ROBO2: variants seen among roughly 807,000 people sequenced by gnomAD.
ROBO2 encodes the protein roundabout homolog 2.
Under a neutral mutation model 160.8 loss-of-function variants are expected in ROBO2, and 53 were observed. The ratio of observed to expected loss-of-function variants is 0.33; its 90% CI spans 0.26 to 0.41. The LOEUF is 0.41. Among genes scored for constraint, ROBO2 ranks in the 10% least tolerant of loss-of-function variants. ROBO2 has a pLI of 1.00. For synonymous variants in ROBO2, 664 were observed against 611.7 expected (o/e 1.09, Z -1.26); for missense variants, 1,577 against 1,722.4 (o/e 0.92, Z 1.49).
At chr3:76,867,986 T>A (rs1427688981) in intron 2 of ROBO2, among the ~76,000 whole-genome samples, 1 of 152,198 alleles carries the variant, frequency 6.6e-6, no homozygotes, top group Non-Finnish European at 1.5e-5. Flanking sequence ...GGGCTTAGCA[T>A]TGTTCTCTCC....
chr3:77,315,399 G>A (rs2063891947), intron 2 of ROBO2, among the ~76,000 whole-genome samples: 1 of 152,116 alleles, frequency 6.6e-6, no homozygotes, highest in Admixed American at 6.5e-5. Context: ...AACAAGTCTG[G>A]GCTTTACTTA....
chr3:76,942,623 C>G (rs1431262050), intron 2 of ROBO2, among the ~76,000 whole-genome samples: 1 of 152,152 alleles, frequency 6.6e-6, no homozygotes, highest in Non-Finnish European at 1.5e-5. Flanking sequence ...ATATCCTTGA[C>G]TGTAGGGAAA....
chr3:76,387,645 T>C (rs1227747343), intron 2 of ROBO2, among the ~76,000 whole-genome samples: 2 of 152,184 alleles, frequency 1.3e-5, no homozygotes, highest in East Asian at 3.9e-4. Context: ...ATAATTATTT[T>C]TCCCATTTCA....
chr3:76,302,626 C>T (rs577231230), intron 2 of ROBO2, among the ~76,000 whole-genome samples: 102 of 152,166 alleles, frequency 6.7e-4, no homozygotes, highest in African/African-American at 2.4e-3. Flanking sequence ...TATTTACATG[C>T]AGAAATACTT....
intron 2 of ROBO2, among the ~76,000 whole-genome samples, chr3:77,341,366 G>A (rs2067039024): frequency 6.6e-6 from 1 of 152,110 alleles, no homozygotes; most frequent in Admixed American, 6.6e-5. Context: ...AAATGGAAGA[G>A]CAAATCTTGA....
intron 2 of ROBO2, among the ~76,000 whole-genome samples, chr3:76,065,703 A>T (rs1376521085): frequency 7.7e-6 from 1 of 129,240 alleles, no homozygotes; most frequent in Non-Finnish European, 1.6e-5. Flanking sequence ...TCATATACCA[A>T]TTTTTAAACT....
At chr3:77,422,961 C>T (rs191086236) in intron 2 of ROBO2, among the ~76,000 whole-genome samples, 1 of 152,148 alleles carries the variant, frequency 6.6e-6, no homozygotes, top group East Asian at 1.9e-4. Flanking sequence ...TTACCAATTC[C>T]CTTATGGCCC....
intron 2 of ROBO2, among the ~76,000 whole-genome samples, chr3:77,309,408 G>A (rs2063359181): frequency 6.6e-6 from 1 of 152,126 alleles, no homozygotes; most frequent in African/African-American, 2.4e-5. Context: ...CCTAAATTCT[G>A]GTGTTTTCAT....
chr3:76,734,056 G>A (rs2093674133), intron 2 of ROBO2, among the ~76,000 whole-genome samples: 1 of 152,070 alleles, frequency 6.6e-6, no homozygotes, highest in African/African-American at 2.4e-5. Flanking sequence ...CCATTCATGA[G>A]GGCCTCATCC....
intron 2 of ROBO2, among the ~76,000 whole-genome samples, chr3:76,730,393 C>T (rs1360727760): frequency 5.5e-5 from 2 of 36,302 alleles, no homozygotes; most frequent in Non-Finnish European, 1.0e-4. Context: ...ACTCCCTACC[C>T]GCTTCTCCTC....
chr3:76,716,504 C>T (rs923072706), intron 2 of ROBO2, among the ~76,000 whole-genome samples: 2 of 152,152 alleles, frequency 1.3e-5, no homozygotes, highest in African/African-American at 4.8e-5. Flanking sequence ...GAATATGCTG[C>T]AGATACTGAA....
intron 2 of ROBO2, among the ~76,000 whole-genome samples, chr3:77,186,299 C>T (rs1370622601): frequency 6.6e-6 from 1 of 151,688 alleles, no homozygotes; most frequent in Admixed American, 6.6e-5. Flanking sequence ...TTTTGAAGAC[C>T]AGAAGCTTTA....
chr3:76,646,291 A>C (rs1009743982), intron 2 of ROBO2, among the ~76,000 whole-genome samples: 4 of 152,198 alleles, frequency 2.6e-5, no homozygotes, highest in Non-Finnish European at 5.9e-5. Context: ...ACGGGAAAGA[A>C]AGCCAACGCC....
chr3:76,451,399 C>T (rs1033521493), intron 2 of ROBO2, among the ~76,000 whole-genome samples: 47 of 152,068 alleles, frequency 3.1e-4, no homozygotes, highest in African/African-American at 1.1e-3. Flanking sequence ...GTATTTTGAT[C>T]GCTCCTTTCC....
At chr3:77,593,422 A>T (rs919111887) in intron 17 of ROBO2, among the ~76,000 whole-genome samples, 2 of 152,110 alleles carry the variant, frequency 1.3e-5, no homozygotes, top group Non-Finnish European at 2.9e-5. Context: ...CTGATTCCTG[A>T]TTTCCCGCAT....
At chr3:76,198,338 C>T (rs566398680) in intron 2 of ROBO2, among the ~76,000 whole-genome samples, 5 of 152,198 alleles carry the variant, frequency 3.3e-5, no homozygotes, top group African/African-American at 1.2e-4. Flanking sequence ...CACAATTGAT[C>T]AGCATTAACA....
intron 2 of ROBO2, among the ~76,000 whole-genome samples, chr3:76,469,788 T>C (rs976748045): frequency 6.6e-6 from 1 of 152,106 alleles, no homozygotes; most frequent in African/African-American, 2.4e-5. Flanking sequence ...TTTCTTTTTC[T>C]CTACACTAGT....
chr3:77,162,983 C>T (rs990520284), intron 2 of ROBO2, among the ~76,000 whole-genome samples: 1 of 141,330 alleles, frequency 7.1e-6, no homozygotes, highest in Non-Finnish European at 1.6e-5. Context: ...GCATGCGCCA[C>T]CATGCCCAGC....
intron 2 of ROBO2, among the ~76,000 whole-genome samples, chr3:76,580,183 G>A (rs925330567): frequency 1.3e-5 from 2 of 152,042 alleles, no homozygotes; most frequent in African/African-American, 4.8e-5. Context: ...TTTGAGTACT[G>A]AGTATAGGTT....
Sources: gnomAD v4.1 joint callset for allele counts (sites outside exome capture counted in the v4.1 genomes callset) on GRCh38, gnomAD v4.1.1 for gene constraint, MANE v1.5 for transcripts, NCBI Gene and HGNC (gene_info 2026-07-23, HGNC 2026-07-21) for gene names.